ARHGEF10L: variants seen among roughly 807,000 people sequenced by gnomAD.
ARHGEF10L encodes rho guanine nucleotide exchange factor 10-like protein.
In ARHGEF10L, 69 loss-of-function variants were observed where a neutral mutation model predicts 141.2. The observed-to-expected ratio is 0.49, with a 90% CI of 0.40 to 0.60. The LOEUF (loss-of-function observed/expected upper bound fraction) is 0.60. ARHGEF10L is among the 20% of genes least tolerant of loss of function. The probability of loss-of-function intolerance (pLI) is 0.00; values close to 1 mark genes in which losing one functional copy is unlikely to be tolerated. For missense variants in ARHGEF10L, 1,482 were observed against 1,734.3 expected, an observed-to-expected ratio of 0.85 and a Z score of 2.58; for synonymous variants, 711 against 718.5, an observed-to-expected ratio of 0.99 and a Z score of 0.17.
At chr1:17,642,404 T>A (rs1292792245) in intron 21 of ARHGEF10L, among the ~76,000 whole-genome samples, 1 of 152,072 alleles carries the variant, frequency 6.6e-6, no homozygotes, top group Admixed American at 6.6e-5. Flanking sequence ...GCGGGCAGGT[T>A]TTCTGGGAAG....
rs1356605883 is a variant in ARHGEF10L at position 17,616,077 on chromosome 1, T to C, written c.727-17T>C. On this transcript the variant is annotated splice_polypyrimidine_tract_variant and intron_variant, in intron 8 of 28. Coordinates refer to ENST00000361221, the MANE Select transcript of ARHGEF10L (RefSeq NM_018125.4). ...CAGGCCGTCCCTTCCCTGATGAGCC[T>C]CTCTACCTTTGCTCAGATGACCCAG... 5 of 1,610,652 alleles carry C rather than the reference T, an allele frequency of 3.1e-6. No individual in the cohort carries two copies. Among genetic ancestry groups the C allele is most frequent in the Non-Finnish European group, 4.2e-6 (5 of 1,177,690 alleles).
At chr1:17,633,920 T>C (rs1043712304) in intron 16 of ARHGEF10L, among the ~76,000 whole-genome samples, 2 of 152,128 alleles carry the variant, frequency 1.3e-5, no homozygotes, top group East Asian at 3.9e-4. Context: ...TCATTCACCA[T>C]CCACCCATTT....
chr1:17,692,416 C>T (rs1237259267), intron 27 of ARHGEF10L, among the ~76,000 whole-genome samples: 1 of 152,158 alleles, frequency 6.6e-6, no homozygotes, highest in African/African-American at 2.4e-5. Flanking sequence ...GAGCTCTGGG[C>T]TTCAACCCCC....
chr1:17,628,411 C>T (rs2060498231), intron 15 of ARHGEF10L, among the ~76,000 whole-genome samples: 1 of 152,178 alleles, frequency 6.6e-6, no homozygotes, highest in Admixed American at 6.5e-5. Flanking sequence ...AAGGTCACCT[C>T]ACAGAGTCAC....
chr1:17,557,207 G>A (rs2077363944), intron 1 of ARHGEF10L, among the ~76,000 whole-genome samples: 1 of 151,832 alleles, frequency 6.6e-6, no homozygotes, highest in Non-Finnish European at 1.5e-5. Flanking sequence ...GCTGGGTGTG[G>A]TGGCATGCAC....
chr1:17,695,048 C>T, intron 27 of ARHGEF10L, 110 bp from the exon 28 acceptor site: 1 of 1,530,608 alleles, frequency 6.5e-7, no homozygotes. Context: ...CAACTTCTTG[C>T]TGGTTTCAGG....
At chr1:17,638,524 G>A in intron 19 of ARHGEF10L, 38 bp from the exon 20 acceptor site, 8 of 1,612,988 alleles carry the variant, frequency 5.0e-6, no homozygotes, top group Middle Eastern at 1.7e-4. Flanking sequence ...GGGAGCCAGT[G>A]TGCTGTGTGG....
chr1:17,600,396 G>C (rs964044197), intron 4 of ARHGEF10L, among the ~76,000 whole-genome samples: 5 of 152,158 alleles, frequency 3.3e-5, no homozygotes, highest in African/African-American at 1.2e-4. Flanking sequence ...AGTGGTCTTT[G>C]GTCTTTGTTT....
intron 18 of ARHGEF10L, 77 bp from the exon 19 acceptor site, chr1:17,637,809 ATC>A: frequency 2.2e-6 from 3 of 1,345,188 alleles, no homozygotes; most frequent in Non-Finnish European, 3.1e-6. Flanking sequence ...CAGCCTCTGG[ATC>A]TTTTTTGTTG....
chr1:17,536,316 C>CA (rs1315131529), upstream of ARHGEF10L, among the ~76,000 whole-genome samples: 4 of 151,950 alleles, frequency 2.6e-5, no homozygotes, highest in South Asian at 2.1e-4. Context: ...CCCATCTCTA[C>CA]AAAAAAATAC....
chr1:17,548,646 CTTTTTTTTTTT>C (rs892480738), intron 1 of ARHGEF10L, among the ~76,000 whole-genome samples: 1 of 88,292 alleles, frequency 1.1e-5, no homozygotes, highest in Non-Finnish European at 2.1e-5. Flanking sequence ...CAAAATAATT[CTTTTTTTTTTT>C]TTTTTTTTTT....
intron 1 of ARHGEF10L, among the ~76,000 whole-genome samples, chr1:17,556,639 G>A (rs1005733418): frequency 3.9e-5 from 6 of 152,192 alleles, no homozygotes; most frequent in Non-Finnish European, 8.8e-5. Context: ...AAGCACCCTG[G>A]GAACTGAGAG....
In ARHGEF10L at chr1:17,603,528, G is replaced by C; in HGVS notation, c.370G>C (p.Ala124Pro). The C allele has an allele frequency of 6.2e-7, 1 of 1,613,606 alleles. No individual in the cohort carries two copies. Among genetic ancestry groups the C allele is most frequent in the Middle Eastern group, 1.7e-4 (1 of 6,058 alleles). Residue 124 changes from alanine (A) to proline (P), a missense_variant, in exon 6 of 29, where the codon GCC becomes CCC. Ala to Pro is a conservative substitution (Grantham distance 27, BLOSUM62 -1). Coordinates refer to ENST00000361221, the MANE Select transcript of ARHGEF10L (RefSeq NM_018125.4). This position sits in a 1 kb window ranked among gnomAD's most constrained non-coding sequence, Gnocchi z 4.8. ...SRRIDRFTFPALEEDVIYDDV... is the reference protein window; with the variant it reads ...SRRIDRFTFPPLEEDVIYDDV... ...CCCAGTTGACCGGTTCACTTTCCCC[G>C]CCCTGGAAGAGGATGTGATTTATGA... is the stretch of plus-strand genomic sequence containing the variant.
At chr1:17,569,796 G>A (rs1209316224) in intron 1 of ARHGEF10L, among the ~76,000 whole-genome samples, 2 of 152,214 alleles carry the variant, frequency 1.3e-5, no homozygotes. Flanking sequence ...GCGGAGGCTC[G>A]CGGATCCTGT....
At chr1:17,667,150 G>A (rs1219852224) in intron 26 of ARHGEF10L, among the ~76,000 whole-genome samples, 2 of 152,206 alleles carry the variant, frequency 1.3e-5, no homozygotes, top group African/African-American at 2.4e-5. Context: ...ACAGGTGCTC[G>A]GCCTGTAGGC....
intron 15 of ARHGEF10L, among the ~76,000 whole-genome samples, chr1:17,628,408 C>T (rs949078565): frequency 6.6e-6 from 1 of 152,168 alleles, no homozygotes; most frequent in African/African-American, 2.4e-5. Context: ...CACAAGGTCA[C>T]CTCACAGAGT....
At chr1:17,634,658 T>C in intron 17 of ARHGEF10L, 96 bp downstream of exon 17, 1 of 1,534,792 alleles carries the variant, frequency 6.5e-7, no homozygotes, top group Non-Finnish European at 8.8e-7. Flanking sequence ...CCTGGGCGCC[T>C]GGTGCTTCTA....
chr1:17,516,646 A>G, the ARHGEF10L span, among the ~76,000 whole-genome samples: 1 of 152,120 alleles, frequency 6.6e-6, no homozygotes, highest in Non-Finnish European at 1.5e-5. Context: ...GCAGCCTCCC[A>G]ACTGCTGCAA....
At chr1:17,629,191 AT>A (rs78642950) in intron 15 of ARHGEF10L, among the ~76,000 whole-genome samples, 13,707 of 141,000 alleles carry the variant, frequency 0.097, 1,474 homozygotes, top group African/African-American at 0.28. Context: ...CAGCTAATTA[AT>A]TTTTTTTTTT....
Sources: gnomAD v4.1 joint callset for allele counts (sites outside exome capture counted in the v4.1 genomes callset) on GRCh38, gnomAD v4.1.1 for gene constraint, Gnocchi (gnomAD v3.1) non-coding constraint, MANE v1.5 for transcripts, NCBI Gene and HGNC (gene_info 2026-07-23, HGNC 2026-07-21) for gene names.